GRIA1: variants seen among roughly 807,000 people sequenced by gnomAD.
GRIA1 encodes the protein glutamate receptor 1.
In GRIA1, 31 loss-of-function variants were observed where a neutral mutation model predicts 99.2. That is an observed-to-expected ratio of 0.31 (90% CI 0.23 to 0.42). The LOEUF is 0.42. Ranked by LOEUF, GRIA1 falls within the 10% of genes least tolerant of loss-of-function variation. GRIA1 has a pLI of 1.00. For missense variants in GRIA1, 782 were observed against 1,157.5 expected (o/e 0.68, Z 4.71); for synonymous variants, 438 against 432.4 (o/e 1.01, Z -0.16).
At chr5:153,770,517 CT>C in intron 13 of GRIA1, 102 bp downstream of exon 13, 1 of 1,110,778 alleles carries the variant, frequency 9.0e-7, no homozygotes, top group Non-Finnish European at 1.3e-6. Flanking sequence ...ACAATGCAAG[CT>C]GTTGAGGGGG....
chr5:153,721,543 G>A (rs529102744), intron 11 of GRIA1, among the ~76,000 whole-genome samples: 8 of 152,220 alleles, frequency 5.3e-5, no homozygotes, highest in South Asian at 2.1e-4. Flanking sequence ...AGGAGTAGCC[G>A]CTCCCCTGAT....
At chr5:153,755,810 G>C (rs756863082) in intron 11 of GRIA1, 7 of 152,340 alleles carry the variant, frequency 4.6e-5, no homozygotes, top group Middle Eastern at 3.4e-3. Context: ...ATTCAGGTAG[G>C]AGATTATAAA....
Position 153,618,216 on chromosome 5 carries a change from A to C in GRIA1, c.221-28712A>C, listed in dbSNP as rs574086501. Among the ~76,000 whole-genome samples the C allele has an allele frequency of 2.1e-3, 314 of 152,336 alleles. 2 individuals carry two copies. Among genetic ancestry groups the C allele is most frequent in the African/African-American group, 7.2e-3 (298 of 41,576 alleles). On this transcript the variant is annotated intron_variant, in intron 2 of 15. Coordinates refer to ENST00000285900, the MANE Select transcript of GRIA1 (RefSeq NM_000827.4). ...AGGGATTCAAACTTTCTAGTTAAGA[A>C]TGTACAACCTGTGAGGATAATTTGC... is the stretch of plus-strand genomic sequence containing the variant.
intron 8 of GRIA1, among the ~76,000 whole-genome samples, chr5:153,687,280 A>G (rs1407615860): frequency 6.6e-6 from 1 of 152,158 alleles, no homozygotes; most frequent in African/African-American, 2.4e-5. Flanking sequence ...CTGGCTCTGG[A>G]ATCCTCAACA....
At chr5:153,654,892 C>T (rs1358868917) in intron 4 of GRIA1, among the ~76,000 whole-genome samples, 3 of 152,190 alleles carry the variant, frequency 2.0e-5, no homozygotes, top group Non-Finnish European at 4.4e-5. Context: ...GGTCTGTAGT[C>T]TTAACCATTC....
chr5:153,700,247 T>A (rs921622150), intron 10 of GRIA1, among the ~76,000 whole-genome samples: 1 of 152,044 alleles, frequency 6.6e-6, no homozygotes, highest in African/African-American at 2.4e-5. Flanking sequence ...TAGCTGCACA[T>A]GGTGGCGGGC....
intron 11 of GRIA1, among the ~76,000 whole-genome samples, chr5:153,711,810 A>G (rs1009299632): frequency 6.6e-6 from 1 of 152,204 alleles, no homozygotes; most frequent in African/African-American, 2.4e-5. Context: ...GACCTTAGTA[A>G]GAGAATGAGA....
rs2149685074 is a variant in GRIA1, at chr5:153,812,114, G to C, written c.*889G>C. 1 of 152,160 alleles carries C rather than the reference G, an allele frequency of 6.6e-6. No homozygotes were observed. The highest frequency in any genetic ancestry group is 2.4e-5 in the African/African-American group (1 of 41,474). The allele number at this position is 152,160 out of a possible 1,614,324, so 9.4% of individuals were successfully genotyped here. On this transcript the variant is annotated 3_prime_UTR_variant, in exon 16 of 16. Coordinates refer to ENST00000285900, the MANE Select transcript of GRIA1 (RefSeq NM_000827.4). ...TGCTCAGGCTCAACGGCAGTCTGGT[G>C]GCTGAAGGCACTTGGCCTCCTAAAC...
chr5:153,638,469 C>A (rs956014777), intron 2 of GRIA1, among the ~76,000 whole-genome samples: 2 of 152,200 alleles, frequency 1.3e-5, no homozygotes, highest in African/African-American at 4.8e-5. Flanking sequence ...GTTCACAGCA[C>A]CTTAATTTTC....
At chr5:153,530,743 T>C (rs935746306) in intron 2 of GRIA1, among the ~76,000 whole-genome samples, 1 of 152,254 alleles carries the variant, frequency 6.6e-6, no homozygotes, top group Non-Finnish European at 1.5e-5. Flanking sequence ...AGGAGCCTTC[T>C]TTCTGGGCAG....
intron 12 of GRIA1, among the ~76,000 whole-genome samples, chr5:153,765,663 A>T (rs754001366): frequency 7.2e-5 from 11 of 152,124 alleles, no homozygotes; most frequent in Non-Finnish European, 1.3e-4. Context: ...GACTTTAGGG[A>T]TGTTTATCCC....
At chr5:153,753,352 G>A (rs185066684) in intron 11 of GRIA1, among the ~76,000 whole-genome samples, 2 of 152,294 alleles carry the variant, frequency 1.3e-5, no homozygotes, top group African/African-American at 4.8e-5. Flanking sequence ...CAAAGGTTCC[G>A]CTGGGCTTTG....
chr5:153,813,487 C>T lies in GRIA1; in HGVS notation c.*2262C>T, dbSNP rs553087165. On this transcript the variant is annotated 3_prime_UTR_variant, in exon 16 of 16. Transcript: ENST00000285900. ...GCTATGAGGGGGTCCAAGACTCTGGCGAAATGTGCTTTTTCATCAATGGAG... is the reference window on the plus strand; with the variant it reads ...GCTATGAGGGGGTCCAAGACTCTGGTGAAATGTGCTTTTTCATCAATGGAG... The T allele has an allele frequency of 9.9e-5, 15 of 152,196 alleles. No individual in the cohort carries two copies. In the South Asian group the frequency reaches 1.7e-3, roughly 17 times the overall value. The allele number at this position is 152,196 out of a possible 1,614,324, so 9.4% of individuals were successfully genotyped here.
intron 2 of GRIA1, among the ~76,000 whole-genome samples, chr5:153,516,808 C>T (rs186658558): frequency 6.6e-5 from 10 of 152,114 alleles, no homozygotes; most frequent in Admixed American, 2.6e-4. Flanking sequence ...GGTGCCTCAG[C>T]GTTCCCATGC....
intron 11 of GRIA1, among the ~76,000 whole-genome samples, chr5:153,722,589 C>A (rs1447527752): frequency 6.6e-6 from 1 of 152,058 alleles, no homozygotes; most frequent in African/African-American, 2.4e-5. Flanking sequence ...TACTGTATAC[C>A]ACTTTCACAT....
intron 2 of GRIA1, among the ~76,000 whole-genome samples, chr5:153,542,389 C>G (rs553951386): frequency 6.6e-6 from 1 of 152,106 alleles, no homozygotes; most frequent in East Asian, 1.9e-4. Context: ...TTCTGCCTTC[C>G]TTTTGAAGGA....
intron 2 of GRIA1, among the ~76,000 whole-genome samples, chr5:153,563,636 ATAT>A (rs1321988895): frequency 6.6e-6 from 1 of 152,172 alleles, no homozygotes; most frequent in African/African-American, 2.4e-5. Flanking sequence ...AATATGTGTA[ATAT>A]TGGTTGTGGA....
intron 14 of GRIA1, among the ~76,000 whole-genome samples, chr5:153,795,032 A>G (rs184876982): frequency 1.5e-4 from 23 of 151,868 alleles, no homozygotes; most frequent in Non-Finnish European, 2.8e-4. Context: ...GAAATGTTCC[A>G]CCTCCTCCAA....
chr5:153,598,935 A>G (rs1044670579), intron 2 of GRIA1, among the ~76,000 whole-genome samples: 2 of 152,260 alleles, frequency 1.3e-5, no homozygotes, highest in Middle Eastern at 3.4e-3. Context: ...AGGCTGGAGT[A>G]CAGTGGCACA....
Sources: gnomAD v4.1 joint callset for allele counts (sites outside exome capture counted in the v4.1 genomes callset) on GRCh38, gnomAD v4.1.1 for gene constraint, MANE v1.5 for transcripts, NCBI Gene and HGNC (gene_info 2026-07-23, HGNC 2026-07-21) for gene names.